Variants in RELN observed in about 807,000 individuals in gnomAD.
RELN encodes the protein reelin.
RELN carries 108 observed loss-of-function variants against 427.6 expected under a neutral mutation model. The ratio of observed to expected loss-of-function variants is 0.25; its 90% CI spans 0.22 to 0.30. The LOEUF (loss-of-function observed/expected upper bound fraction) is 0.30, where lower values mean the gene tolerates loss of function less well. Among genes scored for constraint, RELN ranks in the 10% least tolerant of loss-of-function variants. The pLI is 1.00. For synonymous variants in RELN, 1,524 were observed against 1,513.4 expected (o/e 1.01, Z -0.16); for missense variants, 3,715 against 4,302.8 (o/e 0.86, Z 3.82).
intron 2 of RELN, among the ~76,000 whole-genome samples, chr7:103,857,874 A>C (rs1452725102): frequency 2.6e-5 from 4 of 152,190 alleles, no homozygotes; most frequent in Non-Finnish European, 2.9e-5. Flanking sequence ...GGGGGAAAAA[A>C]GCCACATCTT....
At chr7:103,661,041 G>C (rs1042659632) in intron 12 of RELN, among the ~76,000 whole-genome samples, 1 of 152,050 alleles carries the variant, frequency 6.6e-6, no homozygotes, top group Non-Finnish European at 1.5e-5. Flanking sequence ...GACTATTTTT[G>C]GGGGGAAGCT....
chr7:103,677,599 C>T (rs1341510186), intron 11 of RELN, among the ~76,000 whole-genome samples: 2 of 150,150 alleles, frequency 1.3e-5, no homozygotes, highest in African/African-American at 2.4e-5. Flanking sequence ...AATCCCGTCT[C>T]TACCAAAAGT....
In RELN at chr7:103,662,116, C is replaced by A. The variant is rs192180813; in HGVS notation, c.1290-589G>T. Reference sequence around the variant, plus strand: ...GCCAGATCCTTTTCTAGGGCCTTTACACATTAAAGTCATTTAATTCTCACA... The same window carrying A: ...GCCAGATCCTTTTCTAGGGCCTTTAAACATTAAAGTCATTTAATTCTCACA... On this transcript the variant is annotated intron_variant, in intron 11 of 64. Transcript: ENST00000428762. Among the ~76,000 whole-genome samples, 342 of 152,254 alleles carry A rather than the reference C, an allele frequency of 2.2e-3. 2 individuals are homozygous for A. The highest frequency in any genetic ancestry group is 7.5e-3 in the African/African-American group (313 of 41,542).
At chr7:103,939,485 T>C (rs537814623) in intron 1 of RELN, among the ~76,000 whole-genome samples, 3 of 152,140 alleles carry the variant, frequency 2.0e-5, no homozygotes, top group African/African-American at 7.2e-5. Flanking sequence ...CACACATGCA[T>C]ACCACGCACA....
chr7:103,908,504 T>A (rs1431112222), intron 2 of RELN, among the ~76,000 whole-genome samples: 2 of 152,148 alleles, frequency 1.3e-5, no homozygotes. Flanking sequence ...CTGAGCTGCC[T>A]AACTCCTGAG....
Position 103,510,832 on chromosome 7 carries a change from C to T in RELN, c.8274+19G>A. 1 of 1,600,230 alleles carries T rather than the reference C, an allele frequency of 6.2e-7. No individual in the cohort carries two copies. The highest frequency in any genetic ancestry group is 8.6e-7 in the Non-Finnish European group (1 of 1,167,698). The stretch of plus-strand genomic sequence containing the variant: ...GCTAATGTATGGTTGTTTATATAAT[C>T]AAGATCATAACATTTCACCTTGAAT... On this transcript the variant is annotated intron_variant, in intron 51 of 64. Transcript: ENST00000428762.
intron 1 of RELN, among the ~76,000 whole-genome samples, chr7:103,927,982 T>G (rs1343530628): frequency 1.3e-5 from 2 of 151,040 alleles, no homozygotes; most frequent in Non-Finnish European, 3.0e-5. Flanking sequence ...TAATCTACCC[T>G]TAGCACATAT....
At chr7:103,679,281 C>T (rs1008746861) in intron 11 of RELN, among the ~76,000 whole-genome samples, 1 of 152,192 alleles carries the variant, frequency 6.6e-6, no homozygotes, top group Non-Finnish European at 1.5e-5. Context: ...ATGCCAACTT[C>T]ATAGCTAGGC....
intron 6 of RELN, among the ~76,000 whole-genome samples, chr7:103,743,758 T>C (rs1197298306): frequency 3.9e-5 from 6 of 152,156 alleles, no homozygotes; most frequent in Non-Finnish European, 8.8e-5. Context: ...CCCAGATTCA[T>C]AAAGCAAGTC....
chr7:103,964,362 G>A (rs1796620810), intron 1 of RELN, among the ~76,000 whole-genome samples: 1 of 152,116 alleles, frequency 6.6e-6, no homozygotes, highest in African/African-American at 2.4e-5. Context: ...CAGACAAGAT[G>A]AATCACACAC....
At chr7:103,962,446 C>A (rs928929521) in intron 1 of RELN, among the ~76,000 whole-genome samples, 1 of 152,114 alleles carries the variant, frequency 6.6e-6, no homozygotes, top group African/African-American at 2.4e-5. Flanking sequence ...TAATTACCAC[C>A]AAGAGGAATG....
chr7:103,839,306 T>G (rs1458911646), intron 2 of RELN, among the ~76,000 whole-genome samples: 3 of 148,978 alleles, frequency 2.0e-5, no homozygotes, highest in Admixed American at 2.0e-4. Context: ...GTCTTTGCTT[T>G]TTTTTTTTTT....
At chr7:103,716,377 G>T (rs1789938623) in intron 8 of RELN, among the ~76,000 whole-genome samples, 1 of 152,154 alleles carries the variant, frequency 6.6e-6, no homozygotes, top group Non-Finnish European at 1.5e-5. Flanking sequence ...AAAGATTGGG[G>T]CAGCGTCTTA....
At chr7:103,978,757 A>G (rs2116837075) in intron 1 of RELN, among the ~76,000 whole-genome samples, 1 of 152,376 alleles carries the variant, frequency 6.6e-6, no homozygotes, top group East Asian at 1.9e-4. Context: ...TCTATGTTTA[A>G]AATATTTCGG....
chr7:103,650,410 CT>C, intron 15 of RELN, 27 bp from the exon 16 acceptor site: 1 of 1,274,470 alleles, frequency 7.8e-7, no homozygotes, highest in Middle Eastern at 1.9e-4. Flanking sequence ...ACAAAACCAT[CT>C]TCACAACTAT....
chr7:103,926,641 T>TG, intron 1 of RELN, among the ~76,000 whole-genome samples: 2 of 28,414 alleles, frequency 7.0e-5, no homozygotes, highest in Admixed American at 3.3e-4. Flanking sequence ...TTTTTTTTTT[T>TG]TTTTTTTTTT....
At chr7:103,801,529 A>G (rs1176728989) in intron 3 of RELN, among the ~76,000 whole-genome samples, 1 of 151,112 alleles carries the variant, frequency 6.6e-6, no homozygotes, top group Non-Finnish European at 1.5e-5. Flanking sequence ...AAACTCAACA[A>G]TGAGAACACA....
intron 1 of RELN, among the ~76,000 whole-genome samples, chr7:103,927,317 C>T (rs1041614857): frequency 3.3e-5 from 5 of 152,148 alleles, no homozygotes; most frequent in African/African-American, 1.2e-4. Context: ...TTTTAGAAGA[C>T]TCTCTATTCC....
intron 22 of RELN, among the ~76,000 whole-genome samples, chr7:103,606,941 T>G (rs1404700487): frequency 6.6e-6 from 1 of 152,124 alleles, no homozygotes; most frequent in African/African-American, 2.4e-5. Context: ...TTTGGTTTTT[T>G]GTCCTTGCGA....
Sources: allele counts gnomAD v4.1 joint callset (sites outside exome capture counted in the v4.1 genomes callset), GRCh38; gene constraint gnomAD v4.1.1; transcripts MANE v1.5; gene names NCBI Gene and HGNC (gene_info 2026-07-23, HGNC 2026-07-21).